Variants in AGMO observed in about 807,000 individuals in gnomAD.
The protein encoded by AGMO is alkylglycerol monooxygenase.
AGMO carries 75 observed loss-of-function variants against 60.2 expected under a neutral mutation model. The ratio of observed to expected loss-of-function variants is 1.25; its 90% CI spans 1.03 to 1.51. AGMO has a LOEUF of 1.51. AGMO is among the 40% of genes most tolerant of loss of function. The probability of loss-of-function intolerance (pLI) is 0.00; values close to 1 mark genes in which losing one functional copy is unlikely to be tolerated. For missense variants in AGMO, 763 were observed against 525.5 expected (o/e 1.45, Z -4.42); for synonymous variants, 261 against 177.1 (o/e 1.47, Z -3.76).
At chr7:15,236,587 G>A (rs1420756019) in intron 12 of AGMO, among the ~76,000 whole-genome samples, 1 of 152,066 alleles carries the variant, frequency 6.6e-6, no homozygotes, top group Non-Finnish European at 1.5e-5. Context: ...TTATAAGGCT[G>A]AAATGTGTAA....
chr7:15,389,632 G>C (rs954389760), intron 8 of AGMO, among the ~76,000 whole-genome samples: 2 of 152,176 alleles, frequency 1.3e-5, no homozygotes, highest in South Asian at 2.1e-4. Flanking sequence ...GCAGCACTGT[G>C]TATCAGTTAA....
chr7:15,430,932 TTG>T, intron 4 of AGMO, 71 bp downstream of exon 4: 1 of 786,916 alleles, frequency 1.3e-6, no homozygotes, highest in Non-Finnish European at 1.9e-6. Flanking sequence ...TTTTTTTTTT[TTG>T]AGGAAATAGA....
Position 15,202,458 on chromosome 7 carries a change from C to CAAAAAAAAAAAAAAAAAAAAAAAA in AGMO, c.1264-1123_1264-1100dup, listed in dbSNP as rs71004370. On this transcript the variant is annotated intron_variant, in intron 12 of 12. Transcript: ENST00000342526. ...CACCAACAACCAAAATACAAATGAG[C>CAAAAAAAAAAAAAAAAAAAAAAAA]AAAAAAAAAAAAAAAAAAAAAAAAA... Among the ~76,000 whole-genome samples, 71 of 45,368 alleles carry CAAAAAAAAAAAAAAAAAAAAAAAA rather than the reference C, an allele frequency of 1.6e-3. 7 individuals are homozygous for CAAAAAAAAAAAAAAAAAAAAAAAA. The highest frequency in any genetic ancestry group is 2.0e-3 in the Non-Finnish European group (44 of 22,464). 29.8% of individuals were successfully genotyped at this position (45,368 alleles called of 152,430 possible).
intron 12 of AGMO, among the ~76,000 whole-genome samples, chr7:15,360,071 G>A (rs1318872996): frequency 6.6e-6 from 1 of 152,058 alleles, no homozygotes; most frequent in Non-Finnish European, 1.5e-5. Context: ...CATACTGCAC[G>A]CACATTTACA....
chr7:15,513,649 CT>C (rs146418742), intron 3 of AGMO, among the ~76,000 whole-genome samples: 2,529 of 152,174 alleles, frequency 0.017, 70 homozygotes, highest in African/African-American at 0.056. Flanking sequence ...GGAAAGCTAC[CT>C]TAATTTTCTG....
At chr7:15,343,986 G>A (rs140419675) in intron 12 of AGMO, among the ~76,000 whole-genome samples, 13 of 152,114 alleles carry the variant, frequency 8.5e-5, no homozygotes, top group Non-Finnish European at 1.3e-4. Flanking sequence ...AAAACTAACT[G>A]GAAGACATTA....
chr7:15,507,218 A>C (rs1296511303), intron 3 of AGMO, among the ~76,000 whole-genome samples: 1 of 152,082 alleles, frequency 6.6e-6, no homozygotes, highest in African/African-American at 2.4e-5. Flanking sequence ...TTCTCAGTGG[A>C]ATCTACTAAA....
intron 12 of AGMO, among the ~76,000 whole-genome samples, chr7:15,217,449 G>A (rs1781774973): frequency 6.6e-6 from 1 of 151,884 alleles, no homozygotes; most frequent in South Asian, 2.1e-4. Context: ...AAGAAATGGA[G>A]AATTTACACC....
intron 3 of AGMO, among the ~76,000 whole-genome samples, chr7:15,503,573 T>A (rs1172047242): frequency 6.6e-6 from 1 of 151,996 alleles, no homozygotes; most frequent in Non-Finnish European, 1.5e-5. Flanking sequence ...AATCCAAGAA[T>A]AAATAATCCC....
chr7:15,232,801 G>GCACGCACA (rs1554398736), intron 12 of AGMO, among the ~76,000 whole-genome samples: 1,850 of 147,090 alleles, frequency 0.013, 38 homozygotes, highest in African/African-American at 0.044. Flanking sequence ...ACACACACAC[G>GCACGCACA]CACACACACA....
intron 12 of AGMO, among the ~76,000 whole-genome samples, chr7:15,290,956 G>T (rs951393435): frequency 6.6e-6 from 1 of 152,062 alleles, no homozygotes; most frequent in Non-Finnish European, 1.5e-5. Flanking sequence ...TATTAGGATG[G>T]ATAATAGAGT....
At chr7:15,329,308 C>G (rs1278602172) in intron 12 of AGMO, among the ~76,000 whole-genome samples, 1 of 152,108 alleles carries the variant, frequency 6.6e-6, no homozygotes, top group Non-Finnish European at 1.5e-5. Flanking sequence ...GTGAATTAAG[C>G]CATTGGTGGC....
chr7:15,170,334 G>C, the AGMO span, among the ~76,000 whole-genome samples: 1 of 151,618 alleles, frequency 6.6e-6, no homozygotes, highest in Non-Finnish European at 1.5e-5. Flanking sequence ...GTTGAAATGA[G>C]ATGTATAAAA....
chr7:15,252,581 G>T (rs985113038), intron 12 of AGMO, among the ~76,000 whole-genome samples: 2 of 152,172 alleles, frequency 1.3e-5, no homozygotes, highest in Admixed American at 1.3e-4. Flanking sequence ...GAATGACACT[G>T]AACACCACGT....
Position 15,349,081 on chromosome 7 carries a change from G to A in AGMO, c.1263+16433C>T, listed in dbSNP as rs1323700987. 2.0e-5 allele frequency among the ~76,000 whole-genome samples: 3 copies of A among 152,080 alleles called. No individual in the cohort carries two copies. The South Asian group carries it at 6.2e-4, about 32-fold the overall frequency. Reference sequence around the variant, plus strand: ...AACACTTTATGAGTACAACATGGAAGGAATATATACCTTTGGAGGCCTTTA... The same window carrying A: ...AACACTTTATGAGTACAACATGGAAAGAATATATACCTTTGGAGGCCTTTA... On this transcript the variant is annotated intron_variant, in intron 12 of 12. Coordinates refer to ENST00000342526, the MANE Select transcript of AGMO (RefSeq NM_001004320.2).
chr7:15,442,427 C>T (rs1262830764), intron 3 of AGMO, among the ~76,000 whole-genome samples: 1 of 152,124 alleles, frequency 6.6e-6, no homozygotes, highest in Non-Finnish European at 1.5e-5. Flanking sequence ...GACTTTTTGG[C>T]ATTGAGAGAT....
chr7:15,461,615 C>T (rs907192783), intron 3 of AGMO, among the ~76,000 whole-genome samples: 2 of 151,998 alleles, frequency 1.3e-5, no homozygotes, highest in East Asian at 1.9e-4. Flanking sequence ...CAGAGACACC[C>T]GATCTGCTGG....
intron 2 of AGMO, among the ~76,000 whole-genome samples, chr7:15,552,968 A>G (rs1785010561): frequency 6.6e-6 from 1 of 152,092 alleles, no homozygotes; most frequent in Non-Finnish European, 1.5e-5. Flanking sequence ...TGGCACATAT[A>G]CACCATGGAA....
At chr7:15,529,285 G>A (rs971396616) in intron 3 of AGMO, among the ~76,000 whole-genome samples, 14 of 151,218 alleles carry the variant, frequency 9.3e-5, no homozygotes, top group Non-Finnish European at 1.9e-4. Context: ...TGAAACAAAT[G>A]TACCACCCTA....
Sources: gnomAD v4.1 joint callset for allele counts (sites outside exome capture counted in the v4.1 genomes callset) on GRCh38, gnomAD v4.1.1 for gene constraint, MANE v1.5 for transcripts, NCBI Gene and HGNC (gene_info 2026-07-23, HGNC 2026-07-21) for gene names.